The following BTRC variants were observed in gnomAD, a reference collection of about 807,000 sequenced individuals.
BTRC encodes F-box/WD repeat-containing protein 1A.
A neutral mutation model predicts 85.5 loss-of-function variants in BTRC; 42 were observed. The ratio of observed to expected loss-of-function variants is 0.49; its 90% CI spans 0.38 to 0.64. The LOEUF is 0.64. Among genes scored for constraint, BTRC ranks in the 30% least tolerant of loss-of-function variants. The pLI is 0.00. For missense variants in BTRC, 594 were observed against 743.5 expected (o/e 0.80, Z 2.34); for synonymous variants, 255 against 263.3 (o/e 0.97, Z 0.30).
At chr10:101,354,418 G>T in intron 1 of BTRC, 190 bp downstream of exon 1, 1 of 616,814 alleles carries the variant, frequency 1.6e-6, no homozygotes, top group South Asian at 2.3e-5. Flanking sequence ...CCAGGGGTGG[G>T]GGCAGCGGCT....
chr10:101,373,005 CTT>C (rs990379564), intron 1 of BTRC, among the ~76,000 whole-genome samples: 3 of 152,102 alleles, frequency 2.0e-5, no homozygotes, highest in African/African-American at 7.2e-5. Flanking sequence ...AATGATGTGT[CTT>C]TCCATTTATT....
chr10:101,494,599 A>AT (rs1327627237), intron 4 of BTRC, among the ~76,000 whole-genome samples: 1 of 151,984 alleles, frequency 6.6e-6, no homozygotes, highest in Non-Finnish European at 1.5e-5. Context: ...TCTTTCTCTC[A>AT]TTTTCCCTCC....
chr10:101,443,945 G>A (rs1944758341), intron 2 of BTRC, among the ~76,000 whole-genome samples: 2 of 152,090 alleles, frequency 1.3e-5, no homozygotes, highest in Admixed American at 6.5e-5. Flanking sequence ...CTATCCTCAA[G>A]GAGCTTATAG....
At position 101,462,095 on chromosome 10, in the gene BTRC, C is replaced by T. The variant is rs757187514; in HGVS notation, c.234+37C>T. The T allele has an allele frequency of 2.8e-6, 4 of 1,422,262 alleles. No individual in the cohort carries two copies. The East Asian group carries it at 7.3e-5, about 26-fold the overall frequency. 88.1% of individuals were successfully genotyped at this position (1,422,262 alleles called of 1,614,324 possible). A position where few individuals can be genotyped will look rare whatever the true frequency, so the allele number is the denominator to read the frequency against. On this transcript the variant is annotated intron_variant, in intron 3 of 14. Transcript: ENST00000370187. ...AGCCTTACTTAAAATAAAAAGCTAC[C>T]AACAGCAAAACAAAAGACAGGAGGA...
intron 2 of BTRC, among the ~76,000 whole-genome samples, chr10:101,443,038 T>C (rs1428093739): frequency 3.3e-5 from 5 of 151,858 alleles, no homozygotes; most frequent in Non-Finnish European, 5.9e-5. Flanking sequence ...CCCGCCACCA[T>C]GCCCGGCTAA....
chr10:101,490,826 A>T (rs964215370), intron 4 of BTRC, among the ~76,000 whole-genome samples: 1 of 152,302 alleles, frequency 6.6e-6, no homozygotes. Flanking sequence ...TGGGAGGCCT[A>T]GGTGGGCGGA....
intron 1 of BTRC, among the ~76,000 whole-genome samples, chr10:101,427,221 G>A (rs536483353): frequency 6.1e-5 from 9 of 146,876 alleles, no homozygotes; most frequent in African/African-American, 2.0e-4. Context: ...GGGTTCAAGC[G>A]ATTCTCCTGC....
At chr10:101,365,919 T>C (rs1942360407) in intron 1 of BTRC, among the ~76,000 whole-genome samples, 1 of 151,942 alleles carries the variant, frequency 6.6e-6, no homozygotes, top group Non-Finnish European at 1.5e-5. Flanking sequence ...TACTGGCCAG[T>C]GGGCTGACAG....
At chr10:101,380,794 G>A (rs1468811063) in intron 1 of BTRC, among the ~76,000 whole-genome samples, 2 of 152,166 alleles carry the variant, frequency 1.3e-5, no homozygotes, top group Non-Finnish European at 2.9e-5. Flanking sequence ...TTAACAATAT[G>A]TGATACATTA....
chr10:101,509,358 C>T (rs1354676327), intron 4 of BTRC, among the ~76,000 whole-genome samples: 2 of 142,474 alleles, frequency 1.4e-5, no homozygotes, highest in East Asian at 4.1e-4. Context: ...GGGTTCACGC[C>T]ATTCTCCTGC....
At chr10:101,522,546 G>A (rs998875875) in intron 5 of BTRC, among the ~76,000 whole-genome samples, 7 of 146,982 alleles carry the variant, frequency 4.8e-5, no homozygotes, top group Non-Finnish European at 7.5e-5. Context: ...TCAGCCTCCC[G>A]AGTAGCTGGG....
chr10:101,476,684 C>T (rs1032024769), intron 3 of BTRC, among the ~76,000 whole-genome samples: 1 of 151,786 alleles, frequency 6.6e-6, no homozygotes, highest in African/African-American at 2.4e-5. Flanking sequence ...TTTCAAGTAG[C>T]CCTCCTGCCT....
At chr10:101,506,915 C>T (rs952054730) in intron 4 of BTRC, among the ~76,000 whole-genome samples, 1 of 152,088 alleles carries the variant, frequency 6.6e-6, no homozygotes, top group Admixed American at 6.5e-5. Context: ...GACTCAGGGT[C>T]TCTGAAAAAA....
At chr10:101,410,743 TC>T (rs1225020471) in intron 1 of BTRC, among the ~76,000 whole-genome samples, 1 of 152,176 alleles carries the variant, frequency 6.6e-6, no homozygotes, top group Non-Finnish European at 1.5e-5. Flanking sequence ...TTCTGGATAG[TC>T]AACTGTTCTT....
intron 1 of BTRC, chr10:101,414,539 T>G: frequency 2.3e-6 from 1 of 429,726 alleles, no homozygotes; most frequent in South Asian, 1.8e-5. Flanking sequence ...CTACTTCTAC[T>G]TATTAAAAAA....
At chr10:101,542,840 G>C (rs1209675952) in intron 13 of BTRC, among the ~76,000 whole-genome samples, 1 of 152,140 alleles carries the variant, frequency 6.6e-6, no homozygotes, top group South Asian at 2.1e-4. Context: ...TCACAGGCAT[G>C]AGCCATGGCA....
At chr10:101,389,106 A>AT (rs796601911) in intron 1 of BTRC, among the ~76,000 whole-genome samples, 4 of 59,332 alleles carry the variant, frequency 6.7e-5, no homozygotes, top group Non-Finnish European at 1.4e-4. Flanking sequence ...CATAATTGTG[A>AT]TTTTTTGTGT....
intron 4 of BTRC, among the ~76,000 whole-genome samples, chr10:101,505,143 A>ATATATGTGTATATATATG (rs1946494891): frequency 2.1e-5 from 1 of 48,334 alleles, no homozygotes; most frequent in African/African-American, 6.4e-5. Context: ...ATATATGTAT[A>ATATATGTGTATATATATG]TATATATGTA....
chr10:101,372,878 A>G (rs1942680529), intron 1 of BTRC, among the ~76,000 whole-genome samples: 1 of 152,036 alleles, frequency 6.6e-6, no homozygotes, highest in African/African-American at 2.4e-5. Flanking sequence ...AAAAAGAATT[A>G]GCTAGTCAGT....
Sources: gnomAD v4.1 joint callset for allele counts (sites outside exome capture counted in the v4.1 genomes callset) on GRCh38, gnomAD v4.1.1 for gene constraint, MANE v1.5 for transcripts, NCBI Gene and HGNC (gene_info 2026-07-23, HGNC 2026-07-21) for gene names.